The following GIT2 variants were observed in gnomAD, a reference collection of about 807,000 sequenced individuals.
The protein encoded by GIT2 is ARF GTPase-activating protein GIT2.
In GIT2, 32 loss-of-function variants were observed where a neutral mutation model predicts 100.3. The ratio of observed to expected loss-of-function variants is 0.32; its 90% CI spans 0.24 to 0.43. The LOEUF (loss-of-function observed/expected upper bound fraction) is 0.43. GIT2 is among the 20% of genes least tolerant of loss of function. GIT2 has a pLI of 1.00. For missense variants in GIT2, 737 were observed against 975.1 expected (o/e 0.76, Z 3.25); for synonymous variants, 353 against 364.1 (o/e 0.97, Z 0.35).
In GIT2 at chr12:109,983,452, G is replaced by T; in HGVS notation, c.544C>A (p.Gln182Lys). 3.1e-6 allele frequency: 5 copies of T among 1,613,268 alleles called. No homozygotes were observed. Among genetic ancestry groups the T allele is most frequent in the Non-Finnish European group, 3.4e-6 (4 of 1,179,230 alleles). ...HVASKAGQIL[Q>K]AELLAVYGAD... ...CCATATACTGCCAATAATTCAGCCT[G>T]TAAAATCTGCCCTGCTTTGGAGGCA... Residue 182 changes from glutamine (Q) to lysine (K), a missense_variant, in exon 6 of 20, where the codon CAG (glutamine) becomes AAG (lysine). Coordinates refer to ENST00000355312, the MANE Select transcript of GIT2 (RefSeq NM_057169.5).
At chr12:109,976,544 A>G (rs1885106345) in intron 7 of GIT2, among the ~76,000 whole-genome samples, 1 of 151,054 alleles carries the variant, frequency 6.6e-6, no homozygotes. Context: ...TCGGCCTCCC[A>G]AAGTGCTGGG....
Position 109,948,574 on chromosome 12 carries a change from C to T in GIT2, c.1393-1070G>A. 7 of 1,383,718 alleles carry T rather than the reference C, an allele frequency of 5.1e-6. No homozygotes were observed. The highest frequency in any genetic ancestry group is 5.6e-6 in the Non-Finnish European group (6 of 1,075,246). 85.7% of individuals were successfully genotyped at this position (1,383,718 alleles called of 1,614,324 possible). ...GCAGGGTCCTTCCCTTCTGGTGCGC[C>T]TTCATCTTCCATGGACATTCTATAA... On this transcript the variant is annotated intron_variant, in intron 14 of 19. Transcript: ENST00000355312. The surrounding 1 kb of genome is among the most constrained non-coding windows in gnomAD (Gnocchi z 4.3).
chr12:109,932,807 T>C lies in GIT2; in HGVS notation c.*171A>G, dbSNP rs1003135768. On this transcript the variant is annotated 3_prime_UTR_variant, in exon 20 of 20. Transcript: ENST00000355312. ...CACAAAATAAGGCAAGTGGGTTAAA[T>C]AGTTGAAAATTGGTTAGAAAACATG... 3 of 582,078 alleles carry C rather than the reference T, an allele frequency of 5.2e-6. No homozygotes were observed. Among genetic ancestry groups the C allele is most frequent in the Admixed American group, 6.0e-5 (2 of 33,066 alleles). 36.1% of individuals were successfully genotyped at this position (582,078 alleles called of 1,614,324 possible).
chr12:109,942,303 A>G (rs1391386542), intron 16 of GIT2, among the ~76,000 whole-genome samples: 1 of 152,052 alleles, frequency 6.6e-6, no homozygotes, highest in Admixed American at 6.6e-5. Context: ...AAACCCAGAA[A>G]ATTCTACATT....
rs1041257532 is a variant in GIT2 at position 109,961,817 on chromosome 12, TAAAC to T, written c.817-136_817-133del. 5 of 645,290 alleles carry T rather than the reference TAAAC, an allele frequency of 7.7e-6. No homozygotes were observed. The African/African-American group carries it at 9.1e-5, about 12-fold the overall frequency. 40.0% of individuals were successfully genotyped at this position (645,290 alleles called of 1,614,324 possible). A position where few individuals can be genotyped will look rare whatever the true frequency, so the allele number is the denominator to read the frequency against. ...CCAGTGCTTGGTACATACCCACTGT[TAAAC>T]AGACATAACATTTTCAAAATCGTAC... On this transcript the variant is annotated intron_variant, in intron 9 of 19. Coordinates refer to ENST00000355312, the MANE Select transcript of GIT2 (RefSeq NM_057169.5).
intron 15 of GIT2, among the ~76,000 whole-genome samples, chr12:109,946,427 A>G (rs1416202581): frequency 1.3e-5 from 2 of 152,244 alleles, no homozygotes. Flanking sequence ...AAAGACAAAT[A>G]CTACTCTCTG....
chr12:109,964,053 C>T (rs71458314), intron 9 of GIT2, among the ~76,000 whole-genome samples: 1,540 of 152,310 alleles, frequency 0.01, 12 homozygotes, highest in Non-Finnish European at 0.016. Flanking sequence ...TCTCAGCTTT[C>T]ATGCAGCTTC....
chr12:109,956,416 G>C (rs976951035), intron 12 of GIT2, among the ~76,000 whole-genome samples: 4 of 152,152 alleles, frequency 2.6e-5, no homozygotes, highest in African/African-American at 9.7e-5. Flanking sequence ...ACAGACACTT[G>C]TTTATAGCAT....
intron 13 of GIT2, among the ~76,000 whole-genome samples, chr12:109,952,093 C>G (rs1878031874): frequency 6.6e-6 from 1 of 152,128 alleles, no homozygotes; most frequent in Admixed American, 6.5e-5. Flanking sequence ...CAGGGGTGTC[C>G]CCTGCATCTG....
At chr12:109,959,171 G>A (rs1190723967) in intron 12 of GIT2, among the ~76,000 whole-genome samples, 3 of 151,310 alleles carry the variant, frequency 2.0e-5, no homozygotes, top group African/African-American at 7.3e-5. Context: ...AGGTTCAAGT[G>A]ATTCTCCTGC....
upstream of GIT2, chr12:109,998,693 C>A (rs1373760114): frequency 6.6e-6 from 1 of 152,212 alleles, no homozygotes; most frequent in East Asian, 1.9e-4. Context: ...TGGACTAAAT[C>A]ACCACCATAG....
At chr12:109,957,614 C>G (rs1440422455) in intron 12 of GIT2, among the ~76,000 whole-genome samples, 1 of 151,262 alleles carries the variant, frequency 6.6e-6, no homozygotes, top group Non-Finnish European at 1.5e-5. Flanking sequence ...TCACGCCATT[C>G]TCCTGCCTCA....
intron 18 of GIT2, 62 bp downstream of exon 18, chr12:109,938,318 A>G (rs1592947810): frequency 2.5e-6 from 3 of 1,196,526 alleles, no homozygotes; most frequent in Admixed American, 4.0e-5. Flanking sequence ...GAACATGGGC[A>G]TCATCCCTTT....
Position 109,996,302 on chromosome 12 carries a change from A to G in GIT2, c.-78T>C. ...GCGGTGGCGGCGGCGCTTCCGCTCT[A>G]ACGGGTCCCAGCTGCGGCGGCGCTG... On this transcript the variant is annotated 5_prime_UTR_variant, in exon 1 of 20. Coordinates refer to ENST00000355312, the MANE Select transcript of GIT2 (RefSeq NM_057169.5). 6 of 1,023,596 alleles carry G rather than the reference A, an allele frequency of 5.9e-6. No homozygotes were observed. The highest frequency in any genetic ancestry group is 8.6e-6 in the Non-Finnish European group (6 of 696,754). The allele number at this position is 1,023,596 out of a possible 1,614,324, so 63.4% of individuals were successfully genotyped here. A position where few individuals can be genotyped will look rare whatever the true frequency, so the allele number is the denominator to read the frequency against.
At chr12:109,999,730 C>A, upstream of GIT2, 7 of 1,536,974 alleles carry the variant, frequency 4.6e-6, no homozygotes, top group Non-Finnish European at 6.1e-6. The surrounding 1 kb of genome is among the most constrained non-coding windows in gnomAD (Gnocchi z 4.3). Flanking sequence ...ACCCCCTGCA[C>A]CTCCTAGTCT....
intron 18 of GIT2, among the ~76,000 whole-genome samples, chr12:109,937,871 T>A (rs1873489401): frequency 1.3e-5 from 2 of 152,126 alleles, no homozygotes; most frequent in African/African-American, 4.8e-5. Flanking sequence ...CTCAGCTAAT[T>A]TTTGTGTTTT....
chr12:109,940,712 G>A (rs56089557), intron 16 of GIT2, among the ~76,000 whole-genome samples: 3 of 151,592 alleles, frequency 2.0e-5, no homozygotes, highest in Admixed American at 2.0e-4. Flanking sequence ...AAACGTCATC[G>A]CTACTAAAAG....
chr12:109,994,922 C>T (rs1306453230), intron 1 of GIT2, among the ~76,000 whole-genome samples: 2 of 152,178 alleles, frequency 1.3e-5, no homozygotes, highest in Non-Finnish European at 2.9e-5. Context: ...ATACCCCCTC[C>T]CTATCTTCAA....
At position 109,945,250 on chromosome 12, in the gene GIT2, T is replaced by G. The variant is rs1422915021; in HGVS notation, c.1731+10A>C. ...CCTCCAGAGAGCAGACCATTCAGAA[T>G]GTACTTAACCCTTCGGGCGCTTTCG... On this transcript the variant is annotated intron_variant, in intron 16 of 19. Coordinates refer to ENST00000355312, the MANE Select transcript of GIT2 (RefSeq NM_057169.5). The G allele has an allele frequency of 2.2e-6, 3 of 1,360,374 alleles. No homozygotes were observed. The highest frequency in any genetic ancestry group is 3.2e-6 in the Non-Finnish European group (3 of 950,392). The allele number at this position is 1,360,374 out of a possible 1,614,324, so 84.3% of individuals were successfully genotyped here. A position where few individuals can be genotyped will look rare whatever the true frequency, so the allele number is the denominator to read the frequency against.
Sources: gnomAD v4.1 joint callset for allele counts (sites outside exome capture counted in the v4.1 genomes callset) on GRCh38, gnomAD v4.1.1 for gene constraint, Gnocchi (gnomAD v3.1) non-coding constraint, MANE v1.5 for transcripts, NCBI Gene and HGNC (gene_info 2026-07-23, HGNC 2026-07-21) for gene names.